CDH13: variants seen among roughly 807,000 people sequenced by gnomAD.
The protein encoded by CDH13 is cadherin 13.
A neutral mutation model predicts 63.8 loss-of-function variants in CDH13; 24 were observed. That is an observed-to-expected ratio of 0.38 (90% CI 0.27 to 0.53). CDH13 has a LOEUF of 0.53. Among genes scored for constraint, CDH13 ranks in the 20% least tolerant of loss-of-function variants. CDH13 has a pLI of 0.85. For synonymous variants in CDH13, 503 were observed against 355.3 expected, an observed-to-expected ratio of 1.42 and a Z score of -4.67; for missense variants, 1,049 against 903.1, an observed-to-expected ratio of 1.16 and a Z score of -2.07.
intron 7 of CDH13, among the ~76,000 whole-genome samples, chr16:83,520,846 G>C (rs1273325772): frequency 2.0e-5 from 3 of 152,028 alleles, no homozygotes; most frequent in African/African-American, 7.2e-5. Flanking sequence ...CATGGCTCTG[G>C]CCTCAGTTCT....
At chr16:83,195,043 G>C (rs991054014) in intron 4 of CDH13, among the ~76,000 whole-genome samples, 3 of 152,168 alleles carry the variant, frequency 2.0e-5, no homozygotes, top group Non-Finnish European at 2.9e-5. Context: ...CTCTTTGTTT[G>C]AGTAACCCCT....
At chr16:82,668,631 C>T (rs186009432) in intron 1 of CDH13, among the ~76,000 whole-genome samples, 1 of 152,268 alleles carries the variant, frequency 6.6e-6, no homozygotes, top group Non-Finnish European at 1.5e-5. Context: ...TCTACAGATT[C>T]AGCATTCCTT....
chr16:82,873,033 G>T (rs7198913), intron 2 of CDH13, among the ~76,000 whole-genome samples: 25 of 152,000 alleles, frequency 1.6e-4, no homozygotes, highest in Non-Finnish European at 2.9e-4. Context: ...AAGGAAATAA[G>T]GCAAGGTCAT....
chr16:83,770,838 G>A (rs1176724499), intron 11 of CDH13, among the ~76,000 whole-genome samples: 1 of 152,094 alleles, frequency 6.6e-6, no homozygotes, highest in Non-Finnish European at 1.5e-5. Context: ...TATCAGAAAG[G>A]TCTTTATGTC....
At chr16:83,229,847 T>C (rs72802242) in intron 5 of CDH13, among the ~76,000 whole-genome samples, 14,216 of 152,188 alleles carry the variant, frequency 0.093, 906 homozygotes, top group Admixed American at 0.13. Flanking sequence ...AACTGAGCCA[T>C]GTTCAGTGTG....
intron 4 of CDH13, among the ~76,000 whole-genome samples, chr16:83,132,193 A>G (rs761097609): frequency 6.6e-6 from 1 of 152,110 alleles, no homozygotes; most frequent in Non-Finnish European, 1.5e-5. Flanking sequence ...CTGAACCAGA[A>G]AGCTGGTACT....
chr16:83,566,578 C>T (rs1904282846), intron 7 of CDH13, among the ~76,000 whole-genome samples: 1 of 152,140 alleles, frequency 6.6e-6, no homozygotes, highest in Admixed American at 6.5e-5. Flanking sequence ...CTTCCTGTTC[C>T]CTGGACCCGC....
intron 5 of CDH13, among the ~76,000 whole-genome samples, chr16:83,283,354 G>C (rs2089230748): frequency 6.6e-6 from 1 of 152,172 alleles, no homozygotes; most frequent in South Asian, 2.1e-4. Flanking sequence ...AATTTGGGTG[G>C]CCGAGGAGGG....
intron 2 of CDH13, among the ~76,000 whole-genome samples, chr16:82,873,923 G>A (rs965764105): frequency 6.6e-6 from 1 of 151,850 alleles, no homozygotes; most frequent in Non-Finnish European, 1.5e-5. Context: ...CCCCACCCCT[G>A]ACCACTTCTC....
At chr16:83,180,943 C>G in intron 4 of CDH13, 1 of 1,530,340 alleles carries the variant, frequency 6.5e-7, no homozygotes, top group Non-Finnish European at 8.8e-7. Flanking sequence ...CCATGCATTA[C>G]AATTTTAGCA....
At position 83,712,556 on chromosome 16, in the gene CDH13, A is replaced by G. The variant is rs576125425; in HGVS notation, c.1538+34095A>G. On this transcript the variant is annotated intron_variant, in intron 10 of 13. Transcript: ENST00000567109. Reference sequence around the variant, plus strand: ...CTGCATTTGATTTCATGTTTTCAGGAGCACCCCTCAAGGTCTGGAGAAGCA... The same window carrying G: ...CTGCATTTGATTTCATGTTTTCAGGGGCACCCCTCAAGGTCTGGAGAAGCA... 1.1e-4 allele frequency among the ~76,000 whole-genome samples: 17 copies of G among 152,360 alleles called. No individual in the cohort carries two copies. The East Asian group carries it at 3.3e-3, about 29-fold the overall frequency.
At chr16:83,071,297 A>T (rs1242843468) in intron 3 of CDH13, among the ~76,000 whole-genome samples, 1 of 152,118 alleles carries the variant, frequency 6.6e-6, no homozygotes, top group African/African-American at 2.4e-5. Flanking sequence ...ATCCTCACAT[A>T]ACCCTGCAAG....
intron 5 of CDH13, among the ~76,000 whole-genome samples, chr16:83,281,410 G>C (rs1029823501): frequency 6.6e-6 from 1 of 152,190 alleles, no homozygotes; most frequent in African/African-American, 2.4e-5. Flanking sequence ...TGAATGTTGT[G>C]AGTAGTTTGA....
At position 83,550,985 on chromosome 16, in the gene CDH13, G is replaced by C. The variant is rs141539025; in HGVS notation, c.961-51469G>C. On this transcript the variant is annotated intron_variant, in intron 7 of 13. Transcript: ENST00000567109. Reference sequence around the variant, plus strand: ...TGTCTTCTTTCTCTGAAGCCAATTTGCATCTCCCAAGTAGTCTTCTGATGA... The same window carrying C: ...TGTCTTCTTTCTCTGAAGCCAATTTCCATCTCCCAAGTAGTCTTCTGATGA... Among the ~76,000 whole-genome samples the C allele has an allele frequency of 4.0e-3, 607 of 152,082 alleles. 2 individuals are homozygous for C. The highest frequency in any genetic ancestry group is 6.8e-3 in the Non-Finnish European group (462 of 68,004).
At chr16:83,271,077 A>T (rs1217284243) in intron 5 of CDH13, among the ~76,000 whole-genome samples, 1 of 151,824 alleles carries the variant, frequency 6.6e-6, no homozygotes, top group Non-Finnish European at 1.5e-5. Context: ...GGGAGCCCAA[A>T]GTCCTGCCCA....
intron 3 of CDH13, among the ~76,000 whole-genome samples, chr16:83,066,418 C>A (rs1002214089): frequency 1.3e-5 from 2 of 152,154 alleles, no homozygotes; most frequent in Non-Finnish European, 2.9e-5. Flanking sequence ...CAAAAGGCAA[C>A]GAGTTGGTTG....
At chr16:82,737,347 C>A (rs1167999214) in intron 1 of CDH13, among the ~76,000 whole-genome samples, 1 of 152,240 alleles carries the variant, frequency 6.6e-6, no homozygotes. Context: ...GTGCTGTCAA[C>A]TCATCCATCA....
chr16:83,318,934 T>TA (rs990772838), intron 5 of CDH13, among the ~76,000 whole-genome samples: 1 of 151,190 alleles, frequency 6.6e-6, no homozygotes, highest in African/African-American at 2.4e-5. Flanking sequence ...CTCACAGGAG[T>TA]AAAAAACAAA....
chr16:83,548,546 A>C (rs2075431634), intron 7 of CDH13, among the ~76,000 whole-genome samples: 1 of 152,190 alleles, frequency 6.6e-6, no homozygotes, highest in Non-Finnish European at 1.5e-5. Context: ...TTGTCTTGCT[A>C]ACAAGGTGAA....
Sources: allele counts gnomAD v4.1 joint callset (sites outside exome capture counted in the v4.1 genomes callset), GRCh38; gene constraint gnomAD v4.1.1; transcripts MANE v1.5; gene names NCBI Gene and HGNC (gene_info 2026-07-23, HGNC 2026-07-21).